Variants in TACR3 observed in about 807,000 individuals in gnomAD.
TACR3 encodes the protein tachykinin receptor 3.
Under a neutral mutation model 35.0 loss-of-function variants are expected in TACR3, and 34 were observed. That is an observed-to-expected ratio of 0.97 (90% CI 0.74 to 1.30). The LOEUF (loss-of-function observed/expected upper bound fraction) is 1.30, where lower values mean the gene tolerates loss of function less well. Among genes scored for constraint, TACR3 ranks in the 50% most tolerant of loss-of-function variants. TACR3 has a pLI of 0.00. For missense variants in TACR3, 558 were observed against 591.7 expected (o/e 0.94, Z 0.59); for synonymous variants, 233 against 221.1 (o/e 1.05, Z -0.48).
intron 1 of TACR3, among the ~76,000 whole-genome samples, chr4:103,658,741 A>C (rs1340377250): frequency 6.6e-6 from 1 of 152,186 alleles, no homozygotes; most frequent in African/African-American, 2.4e-5. Context: ...TTTGGCACCA[A>C]GGATCGGTTT....
chr4:103,707,663 T>G (rs916443669), intron 1 of TACR3, among the ~76,000 whole-genome samples: 1 of 151,626 alleles, frequency 6.6e-6, no homozygotes, highest in African/African-American at 2.4e-5. Flanking sequence ...TACAGGACAG[T>G]GGGTGCAGCC....
At chr4:103,612,741 C>G (rs918468680) in intron 3 of TACR3, among the ~76,000 whole-genome samples, 2 of 152,108 alleles carry the variant, frequency 1.3e-5, no homozygotes, top group African/African-American at 2.4e-5. Context: ...AACTCCTGAC[C>G]TCAGGTGATC....
chr4:103,606,458 C>T (rs1430544145), intron 3 of TACR3, among the ~76,000 whole-genome samples: 3 of 152,154 alleles, frequency 2.0e-5, no homozygotes, highest in South Asian at 2.1e-4. Context: ...TATCCATGAG[C>T]ATGGACTGTT....
At position 103,642,702 on chromosome 4, in the gene TACR3, C is replaced by T. The variant is rs552063683; in HGVS notation, c.888+13492G>A. Among the ~76,000 whole-genome samples, 50 of 151,594 alleles carry T rather than the reference C, an allele frequency of 3.3e-4. 1 individual carries two copies. Among genetic ancestry groups the T allele is most frequent in the Admixed American group, 3.0e-3 (46 of 15,162 alleles). ...TTAAGGAGAGGTTGGTTAATGGATA[C>T]GTACATACAGGTAGATATAAGGAAT... On this transcript the variant is annotated intron_variant, in intron 3 of 4. Coordinates refer to ENST00000304883, the MANE Select transcript of TACR3 (RefSeq NM_001059.3).
chr4:103,629,869 AAAC>A (rs1471233288), intron 3 of TACR3, among the ~76,000 whole-genome samples: 8,756 of 121,836 alleles, frequency 0.072, 382 homozygotes, highest in Middle Eastern at 0.11. Flanking sequence ...AACAAAAAAA[AAAC>A]AAAAAAAACA....
chr4:103,636,965 A>C (rs909219454), intron 3 of TACR3, among the ~76,000 whole-genome samples: 2 of 152,064 alleles, frequency 1.3e-5, no homozygotes, highest in East Asian at 1.9e-4. Context: ...CAACCAAAAA[A>C]AGTCCAGGAC....
At chr4:103,600,813 T>C (rs1383139066) in intron 3 of TACR3, among the ~76,000 whole-genome samples, 2 of 152,230 alleles carry the variant, frequency 1.3e-5, no homozygotes, top group Non-Finnish European at 2.9e-5. Flanking sequence ...GATTGCACTG[T>C]GGTCTGAGAG....
chr4:103,670,954 A>G (rs1241518474), intron 1 of TACR3, among the ~76,000 whole-genome samples: 1 of 152,036 alleles, frequency 6.6e-6, no homozygotes, highest in Non-Finnish European at 1.5e-5. Context: ...TTTGTTACAT[A>G]TCGCCTTTAT....
In TACR3 at chr4:103,676,051, C is replaced by G. The variant is rs1004424091; in HGVS notation, c.549-17648G>C. Among the ~76,000 whole-genome samples, 42 of 152,154 alleles carry G rather than the reference C, an allele frequency of 2.8e-4. 3 individuals are homozygous for G. On this transcript the variant is annotated intron_variant, in intron 1 of 4. Transcript: ENST00000304883. ...TTCCATAGCTAGTTTTTTGCACACT[C>G]AGTGCTTCAAAGATATTGTGCTTAG...
intron 1 of TACR3, among the ~76,000 whole-genome samples, chr4:103,697,337 A>G (rs1722541960): frequency 6.6e-6 from 1 of 152,182 alleles, no homozygotes; most frequent in Non-Finnish European, 1.5e-5. Flanking sequence ...GTGAGTTAAT[A>G]TGACGTGGTA....
At chr4:103,640,581 T>C (rs1372107982) in intron 3 of TACR3, among the ~76,000 whole-genome samples, 1 of 152,020 alleles carries the variant, frequency 6.6e-6, no homozygotes, top group African/African-American at 2.4e-5. Flanking sequence ...TCTTATAAGA[T>C]GTATGGTTTA....
chr4:103,602,902 A>G, intron 3 of TACR3, among the ~76,000 whole-genome samples: 1 of 151,906 alleles, frequency 6.6e-6, no homozygotes, highest in Non-Finnish European at 1.5e-5. Context: ...GAGCACCACT[A>G]CTCTCTTCAA....
In TACR3 at chr4:103,589,461, A is replaced by C; in HGVS notation, c.*221T>G. ...TTGCATATAATAATTTAGAGTTTTC[A>C]AAGAATAAATTTAAAGCCCATTTTA... On this transcript the variant is annotated 3_prime_UTR_variant, in exon 5 of 5. Transcript: ENST00000304883. The C allele has an allele frequency of 1.9e-6, 1 of 536,404 alleles. No individual in the cohort carries two copies. Among genetic ancestry groups the C allele is most frequent in the Non-Finnish European group, 3.3e-6 (1 of 303,428 alleles). The allele number at this position is 536,404 out of a possible 1,614,324, so 33.2% of individuals were successfully genotyped here. A position where few individuals can be genotyped will look rare whatever the true frequency, so the allele number is the denominator to read the frequency against.
chr4:103,697,383 GTTATTTAT>G, intron 1 of TACR3, among the ~76,000 whole-genome samples: 1 of 148,708 alleles, frequency 6.7e-6, no homozygotes. Flanking sequence ...GGGCACTTGT[GTTATTTAT>G]TTATTTATTT....
chr4:103,595,221 A>G (rs1261673420), intron 3 of TACR3, among the ~76,000 whole-genome samples: 2 of 152,206 alleles, frequency 1.3e-5, no homozygotes, highest in African/African-American at 2.4e-5. Flanking sequence ...TTAAACAGAA[A>G]AAAGAATCAG....
intron 1 of TACR3, among the ~76,000 whole-genome samples, chr4:103,697,645 C>T (rs533365616): frequency 3.9e-5 from 6 of 152,004 alleles, no homozygotes; most frequent in South Asian, 2.1e-4. Context: ...AGGATAGTCT[C>T]GATCTCCTGA....
intron 1 of TACR3, among the ~76,000 whole-genome samples, chr4:103,718,438 G>A (rs1187800690): frequency 1.3e-5 from 2 of 152,204 alleles, no homozygotes; most frequent in South Asian, 2.1e-4. Context: ...GGCACATAGA[G>A]TTTTTAAAAA....
At chr4:103,710,076 C>T (rs1722907273) in intron 1 of TACR3, among the ~76,000 whole-genome samples, 1 of 152,170 alleles carries the variant, frequency 6.6e-6, no homozygotes, top group African/African-American at 2.4e-5. Flanking sequence ...TAACACTCCC[C>T]TGTCAACATT....
At chr4:103,603,226 T>C (rs538978014) in intron 3 of TACR3, among the ~76,000 whole-genome samples, 2 of 152,344 alleles carry the variant, frequency 1.3e-5, no homozygotes, top group East Asian at 3.9e-4. Context: ...TGGTGTGCCA[T>C]TTTTTAAGCC....
Sources: allele counts gnomAD v4.1 joint callset (sites outside exome capture counted in the v4.1 genomes callset), GRCh38; gene constraint gnomAD v4.1.1; transcripts MANE v1.5; gene names NCBI Gene and HGNC (gene_info 2026-07-23, HGNC 2026-07-21).